PATJ: variants seen among roughly 807,000 people sequenced by gnomAD.
PATJ encodes the protein PATJ crumbs cell polarity complex component, also known as inaD-like protein.
PATJ carries 190 observed loss-of-function variants against 224.9 expected under a neutral mutation model. The ratio of observed to expected loss-of-function variants is 0.84; its 90% CI spans 0.75 to 0.95. The LOEUF is 0.95. Among genes scored for constraint, PATJ ranks in the 40% least tolerant of loss-of-function variants. The pLI is 0.00. For synonymous variants in PATJ, 769 were observed against 820.3 expected (o/e 0.94, Z 1.07); for missense variants, 2,121 against 2,270.3 (o/e 0.93, Z 1.34).
chr1:62,144,209 TAGC>T (rs1667785619), intron 41 of PATJ, among the ~76,000 whole-genome samples: 1 of 152,200 alleles, frequency 6.6e-6, no homozygotes, highest in South Asian at 2.1e-4. Context: ...AACTTGGACA[TAGC>T]AGTGTTTTCC....
intron 27 of PATJ, among the ~76,000 whole-genome samples, chr1:61,973,219 C>A (rs61775623): frequency 6.6e-6 from 1 of 152,022 alleles, no homozygotes; most frequent in African/African-American, 2.4e-5. Context: ...TTTCTTCTCT[C>A]ATTGAGCTGA....
At chr1:61,868,267 A>C (rs1665723859) in intron 20 of PATJ, among the ~76,000 whole-genome samples, 1 of 152,202 alleles carries the variant, frequency 6.6e-6, no homozygotes, top group Non-Finnish European at 1.5e-5. Flanking sequence ...TTATCATCCC[A>C]CACTGAAACT....
intron 27 of PATJ, among the ~76,000 whole-genome samples, chr1:61,942,787 G>A (rs570679019): frequency 2.8e-4 from 43 of 152,112 alleles, no homozygotes; most frequent in Admixed American, 1.5e-3. Flanking sequence ...CACATCAGGT[G>A]ATCCGCCTGC....
chr1:61,802,283 G>A (rs566404655), intron 12 of PATJ, among the ~76,000 whole-genome samples: 9 of 152,156 alleles, frequency 5.9e-5, no homozygotes, highest in African/African-American at 1.9e-4. Context: ...TAGTAGAGAT[G>A]GGTTTCACCA....
At chr1:62,029,218 T>G (rs1648701056) in intron 29 of PATJ, among the ~76,000 whole-genome samples, 3 of 152,238 alleles carry the variant, frequency 2.0e-5, no homozygotes, top group Admixed American at 2.0e-4. Flanking sequence ...ACACACTTTC[T>G]TGCTTTTAGA....
At chr1:61,877,321 C>T (rs1332661495) in intron 21 of PATJ, among the ~76,000 whole-genome samples, 2 of 150,614 alleles carry the variant, frequency 1.3e-5, no homozygotes, top group African/African-American at 4.9e-5. Context: ...TTGGATTCTG[C>T]TTGCCTTTAT....
chr1:61,940,765 A>C (rs1677701714), intron 27 of PATJ, among the ~76,000 whole-genome samples: 1 of 151,870 alleles, frequency 6.6e-6, no homozygotes, highest in South Asian at 2.1e-4. Flanking sequence ...AAATTCTAGC[A>C]TAAGAGTATG....
intron 41 of PATJ, among the ~76,000 whole-genome samples, chr1:62,131,714 G>A (rs1416884532): frequency 3.3e-5 from 5 of 151,996 alleles, no homozygotes; most frequent in African/African-American, 1.2e-4. Context: ...TTGAGCCCAA[G>A]AGTTTGAGGC....
At chr1:61,941,705 T>G (rs996522477) in intron 27 of PATJ, among the ~76,000 whole-genome samples, 3 of 152,176 alleles carry the variant, frequency 2.0e-5, no homozygotes, top group African/African-American at 7.2e-5. Flanking sequence ...TCATATTAAC[T>G]GTCAACATTT....
intron 41 of PATJ, among the ~76,000 whole-genome samples, chr1:62,147,803 A>T (rs1404686131): frequency 6.6e-6 from 1 of 151,912 alleles, no homozygotes; most frequent in Admixed American, 6.6e-5. Flanking sequence ...GACTAAAAAA[A>T]AAAAAAAAAA....
At chr1:62,031,623 A>T (rs1430875660) in intron 29 of PATJ, among the ~76,000 whole-genome samples, 1 of 152,234 alleles carries the variant, frequency 6.6e-6, no homozygotes, top group South Asian at 2.1e-4. Flanking sequence ...ACTTGCGTAT[A>T]TGAGAGAAGG....
At chr1:61,958,830 A>T (rs1207314213) in intron 27 of PATJ, among the ~76,000 whole-genome samples, 1 of 152,210 alleles carries the variant, frequency 6.6e-6, no homozygotes, top group East Asian at 1.9e-4. Context: ...CTGTAAAATG[A>T]GTGTGAGACT....
chr1:62,050,865 C>G, intron 30 of PATJ, 101 bp from the exon 31 acceptor site: 1 of 844,324 alleles, frequency 1.2e-6, no homozygotes, highest in South Asian at 1.6e-5. Context: ...CAATATCCAC[C>G]ACAACCATAT....
chr1:61,949,339 GT>G (rs1437007092), intron 27 of PATJ, among the ~76,000 whole-genome samples: 1 of 152,048 alleles, frequency 6.6e-6, no homozygotes, highest in Non-Finnish European at 1.5e-5. Context: ...TTGCGATTGG[GT>G]TTGATGGAAT....
At chr1:61,977,654 C>T (rs1289638308) in intron 27 of PATJ, among the ~76,000 whole-genome samples, 2 of 151,844 alleles carry the variant, frequency 1.3e-5, no homozygotes, top group African/African-American at 4.9e-5. Flanking sequence ...TCAACCACAA[C>T]ACTGATTACA....
intron 27 of PATJ, among the ~76,000 whole-genome samples, chr1:61,975,030 G>C (rs867539351): frequency 6.6e-6 from 1 of 151,896 alleles, no homozygotes; most frequent in Non-Finnish European, 1.5e-5. Context: ...CTGTGACCTT[G>C]ACCTCTTGGG....
chr1:61,992,820 TA>T (rs1397193949), intron 28 of PATJ, among the ~76,000 whole-genome samples: 1 of 152,198 alleles, frequency 6.6e-6, no homozygotes, highest in Non-Finnish European at 1.5e-5. Context: ...TTGGAAGACC[TA>T]CCGTAACTTG....
chr1:61,984,475 A>G (rs1644634687), intron 27 of PATJ, among the ~76,000 whole-genome samples: 1 of 152,084 alleles, frequency 6.6e-6, no homozygotes, highest in East Asian at 1.9e-4. Context: ...AGTATACCCA[A>G]TTCTTTAATG....
chr1:62,131,303 A>T (rs1666235121), intron 41 of PATJ, among the ~76,000 whole-genome samples: 2 of 152,240 alleles, frequency 1.3e-5, no homozygotes, highest in South Asian at 4.1e-4. Context: ...TGACCCCTAG[A>T]GGCAGTACAG....
Sources: allele counts gnomAD v4.1 joint callset (sites outside exome capture counted in the v4.1 genomes callset), GRCh38; gene constraint gnomAD v4.1.1; transcripts MANE v1.5; gene names NCBI Gene and HGNC (gene_info 2026-07-23, HGNC 2026-07-21).